The following PDE10A variants were observed in gnomAD, a reference collection of about 807,000 sequenced individuals.
PDE10A encodes phosphodiesterase 10A.
Under a neutral mutation model 97.7 loss-of-function variants are expected in PDE10A, and 39 were observed. The observed-to-expected ratio is 0.40, with a 90% CI of 0.31 to 0.52. The LOEUF (loss-of-function observed/expected upper bound fraction) is 0.52, where lower values mean the gene tolerates loss of function less well. Ranked by LOEUF, PDE10A falls within the 20% of genes least tolerant of loss-of-function variation. PDE10A has a pLI of 0.56. For missense variants in PDE10A, 731 were observed against 1,047.8 expected (o/e 0.70, Z 4.17); for synonymous variants, 371 against 376.8 (o/e 0.98, Z 0.18).
At chr6:165,977,514 T>G (rs1784887052) in intron 1 of PDE10A, among the ~76,000 whole-genome samples, 5 of 152,212 alleles carry the variant, frequency 3.3e-5, no homozygotes, top group Admixed American at 3.3e-4. Context: ...ATTATATTTG[T>G]GAGTCAAAAT....
intron 1 of PDE10A, among the ~76,000 whole-genome samples, chr6:165,758,527 A>AGAAGCAGAAGAG (rs1793174336): frequency 7.1e-6 from 1 of 140,534 alleles, no homozygotes; most frequent in Non-Finnish European, 1.6e-5. Flanking sequence ...AAGAAGAAGA[A>AGAAGCAGAAGAG]GAAGAGGAAG....
At chr6:165,964,081 TTC>T (rs1483146353) in intron 1 of PDE10A, among the ~76,000 whole-genome samples, 1 of 152,230 alleles carries the variant, frequency 6.6e-6, no homozygotes, top group African/African-American at 2.4e-5. Flanking sequence ...TCTCATTATT[TTC>T]TCTCTTTTAT....
chr6:165,366,452 T>A (rs1482031214), intron 18 of PDE10A, among the ~76,000 whole-genome samples: 1 of 152,186 alleles, frequency 6.6e-6, no homozygotes, highest in Admixed American at 6.5e-5. Context: ...ATTCTGGTAA[T>A]CATAGAATAA....
At chr6:165,720,413 G>A (rs113592783) in intron 1 of PDE10A, among the ~76,000 whole-genome samples, 1,595 of 152,214 alleles carry the variant, frequency 0.01, 29 homozygotes, top group African/African-American at 0.037. Context: ...TGCTGAGAGC[G>A]GAATGGGCTG....
intron 1 of PDE10A, among the ~76,000 whole-genome samples, chr6:165,765,101 T>A (rs1355593505): frequency 6.6e-6 from 1 of 152,180 alleles, no homozygotes; most frequent in Non-Finnish European, 1.5e-5. Context: ...CACAGGGTGC[T>A]GATTGGTGTG....
chr6:165,896,188 G>T (rs1457944448), intron 1 of PDE10A, among the ~76,000 whole-genome samples: 1 of 152,076 alleles, frequency 6.6e-6, no homozygotes, highest in Non-Finnish European at 1.5e-5. Context: ...TGCTGGAGTT[G>T]TCATCTTGTT....
chr6:165,581,271 C>T (rs1037806202), intron 1 of PDE10A, among the ~76,000 whole-genome samples: 4 of 152,080 alleles, frequency 2.6e-5, no homozygotes, highest in Non-Finnish European at 5.9e-5. Flanking sequence ...AATGTGTCCC[C>T]CCAAAATTCA....
At chr6:165,612,518 G>A (rs561054334) in intron 1 of PDE10A, among the ~76,000 whole-genome samples, 22 of 152,106 alleles carry the variant, frequency 1.4e-4, no homozygotes, top group African/African-American at 4.6e-4. Flanking sequence ...ACAAGCGCCC[G>A]CCACCATGTC....
At chr6:165,356,734 A>C (rs1489126930) in intron 18 of PDE10A, among the ~76,000 whole-genome samples, 1 of 152,238 alleles carries the variant, frequency 6.6e-6, no homozygotes, top group African/African-American at 2.4e-5. Flanking sequence ...ATATACAAAA[A>C]ATATAATTGA....
intron 2 of PDE10A, among the ~76,000 whole-genome samples, chr6:165,526,624 G>A (rs1782463142): frequency 6.6e-6 from 1 of 152,224 alleles, no homozygotes; most frequent in Admixed American, 6.5e-5. Context: ...GGCCTTTGCA[G>A]AAGTCAGACG....
intron 1 of PDE10A, chr6:165,775,730 C>A (rs1051461836): frequency 3.9e-5 from 6 of 152,216 alleles, no homozygotes; most frequent in African/African-American, 9.6e-5. Context: ...TAATTGGAAA[C>A]ACACCATTTT....
At chr6:165,649,969 A>T (rs997310545) in intron 1 of PDE10A, among the ~76,000 whole-genome samples, 1 of 152,226 alleles carries the variant, frequency 6.6e-6, no homozygotes, top group African/African-American at 2.4e-5. Context: ...TCCACGTTCA[A>T]ATCTGTGCAT....
chr6:165,685,482 A>G (rs1420071275), intron 1 of PDE10A, among the ~76,000 whole-genome samples: 1 of 152,136 alleles, frequency 6.6e-6, no homozygotes, highest in South Asian at 2.1e-4. Flanking sequence ...CCAAGAGAAA[A>G]TCGGACACAC....
chr6:165,769,616 G>GT (rs1777951267), intron 1 of PDE10A, among the ~76,000 whole-genome samples: 2 of 152,134 alleles, frequency 1.3e-5, no homozygotes, highest in Admixed American at 6.5e-5. Flanking sequence ...ATTGCTAATA[G>GT]TTTTTTTCTA....
chr6:165,379,983 T>C (rs2128207334), intron 17 of PDE10A, among the ~76,000 whole-genome samples: 1 of 152,296 alleles, frequency 6.6e-6, no homozygotes, highest in Non-Finnish European at 1.5e-5. Context: ...TCTAGGACCA[T>C]CTTCTATTCC....
chr6:165,811,909 A>G (rs1779293942), intron 1 of PDE10A, among the ~76,000 whole-genome samples: 1 of 151,854 alleles, frequency 6.6e-6, no homozygotes. Flanking sequence ...GCTGGAGTGC[A>G]GTGGTGCGAT....
chr6:165,858,961 C>T (rs764878637), intron 1 of PDE10A, among the ~76,000 whole-genome samples: 10 of 152,170 alleles, frequency 6.6e-5, no homozygotes, highest in Non-Finnish European at 1.5e-4. Flanking sequence ...GTAAAACAAA[C>T]AAGCAAACTA....
chr6:165,923,357 T>C (rs998510184), intron 1 of PDE10A, among the ~76,000 whole-genome samples: 1 of 152,214 alleles, frequency 6.6e-6, no homozygotes, highest in East Asian at 1.9e-4. Context: ...GAACAAGGCC[T>C]ATTCCAGGTG....
At chr6:165,956,947 G>T (rs1052163784) in intron 1 of PDE10A, among the ~76,000 whole-genome samples, 1 of 152,204 alleles carries the variant, frequency 6.6e-6, no homozygotes, top group African/African-American at 2.4e-5. Context: ...AGTGGGGCCA[G>T]CCCAGGGGTT....
Sources: gnomAD v4.1 joint callset for allele counts (sites outside exome capture counted in the v4.1 genomes callset) on GRCh38, gnomAD v4.1.1 for gene constraint, MANE v1.5 for transcripts, NCBI Gene and HGNC (gene_info 2026-07-23, HGNC 2026-07-21) for gene names.